Variants in LAMA2 observed in about 807,000 individuals in gnomAD.
LAMA2 encodes the protein laminin subunit alpha-2.
LAMA2 carries 269 observed loss-of-function variants against 364.8 expected under a neutral mutation model. The observed-to-expected ratio is 0.74, with a 90% CI of 0.67 to 0.82. The LOEUF is 0.82. Among genes scored for constraint, LAMA2 ranks in the 40% least tolerant of loss-of-function variants. LAMA2 has a pLI of 0.00. For missense variants in LAMA2, 3,807 were observed against 3,873.2 expected, an observed-to-expected ratio of 0.98 and a Z score of 0.45; for synonymous variants, 1,379 against 1,370.6, an observed-to-expected ratio of 1.01 and a Z score of -0.14.
At chr6:129,313,778 AG>A (rs894832979) in intron 23 of LAMA2, among the ~76,000 whole-genome samples, 1 of 152,246 alleles carries the variant, frequency 6.6e-6, no homozygotes, top group Non-Finnish European at 1.5e-5. Flanking sequence ...CAGAGGAAAC[AG>A]GAAGATAAAA....
chr6:128,915,359 G>A (rs1261421838), intron 1 of LAMA2, among the ~76,000 whole-genome samples: 2 of 152,098 alleles, frequency 1.3e-5, no homozygotes, highest in Non-Finnish European at 2.9e-5. Context: ...ATTAGTCCAT[G>A]GTTATCTTGG....
At chr6:129,244,576 A>G (rs748304709) in intron 12 of LAMA2, among the ~76,000 whole-genome samples, 1 of 152,108 alleles carries the variant, frequency 6.6e-6, no homozygotes, top group Non-Finnish European at 1.5e-5. Context: ...TTTACACTCC[A>G]TTTAGTGAAA....
chr6:129,444,059 T>A (rs7769673), intron 44 of LAMA2, among the ~76,000 whole-genome samples: 3,851 of 152,116 alleles, frequency 0.025, 162 homozygotes, highest in African/African-American at 0.088. Flanking sequence ...GATTGTCAAG[T>A]TTCATCAAGA....
At chr6:128,916,690 G>A (rs565669019) in intron 1 of LAMA2, among the ~76,000 whole-genome samples, 1 of 152,322 alleles carries the variant, frequency 6.6e-6, no homozygotes, top group South Asian at 2.1e-4. Context: ...GAAGCCAGGA[G>A]ACATCCTACA....
At chr6:129,443,104 G>A (rs771530562) in intron 44 of LAMA2, 36 bp downstream of exon 44, 5 of 1,538,928 alleles carry the variant, frequency 3.2e-6, no homozygotes, top group African/African-American at 1.4e-5. Context: ...TTTTAGTAAC[G>A]CTCATGCTTC....
chr6:128,940,782 CT>C (rs1780104403), intron 1 of LAMA2, among the ~76,000 whole-genome samples: 1 of 151,948 alleles, frequency 6.6e-6, no homozygotes, highest in African/African-American at 2.4e-5. Flanking sequence ...TACCTTGTCT[CT>C]ACAAAAAAAG....
chr6:129,359,601 C>T (rs1350894659), intron 32 of LAMA2, among the ~76,000 whole-genome samples: 2 of 138,294 alleles, frequency 1.4e-5, no homozygotes, highest in Admixed American at 8.6e-5. Flanking sequence ...TCCAGGGAAC[C>T]GTCAATGGCA....
At chr6:129,464,201 C>G in intron 49 of LAMA2, 89 bp from the exon 50 acceptor site, 1 of 1,144,132 alleles carries the variant, frequency 8.7e-7, no homozygotes, top group Non-Finnish European at 1.3e-6. Context: ...CTACAACAGC[C>G]TATAGTCTCA....
chr6:128,929,484 CTCTT>C, intron 1 of LAMA2: 2 of 840,526 alleles, frequency 2.4e-6, no homozygotes, highest in Non-Finnish European at 4.2e-6. Context: ...GACAGACAGA[CTCTT>C]TATGGTATGC....
At chr6:128,974,641 T>A (rs1782406932) in intron 1 of LAMA2, among the ~76,000 whole-genome samples, 1 of 152,196 alleles carries the variant, frequency 6.6e-6, no homozygotes, top group Non-Finnish European at 1.5e-5. Context: ...CTTCTGCCAA[T>A]AGTATTAATG....
intron 22 of LAMA2, among the ~76,000 whole-genome samples, chr6:129,311,059 C>G (rs1435249553): frequency 6.6e-6 from 1 of 151,932 alleles, no homozygotes; most frequent in African/African-American, 2.4e-5. Context: ...CAACTAAAGG[C>G]ACACCTGGGA....
At chr6:129,130,688 T>G (rs1353365100) in intron 4 of LAMA2, among the ~76,000 whole-genome samples, 4 of 152,192 alleles carry the variant, frequency 2.6e-5, no homozygotes, top group Admixed American at 2.6e-4. Context: ...GCGTATTCCT[T>G]TTTTTAAGGA....
At chr6:128,998,252 G>A (rs564827125) in intron 1 of LAMA2, among the ~76,000 whole-genome samples, 1 of 152,298 alleles carries the variant, frequency 6.6e-6, no homozygotes, top group Admixed American at 6.5e-5. Flanking sequence ...TTTTATGAGG[G>A]ATGTGGATTT....
intron 62 of LAMA2, among the ~76,000 whole-genome samples, chr6:129,511,346 T>TTTA (rs1786556895): frequency 6.6e-6 from 1 of 152,146 alleles, no homozygotes; most frequent in African/African-American, 2.4e-5. Context: ...CCCTTTCTGT[T>TTTA]TTATTTTGCA....
intron 4 of LAMA2, 142 bp from the exon 5 acceptor site, chr6:129,143,759 G>A: frequency 1.6e-6 from 1 of 635,828 alleles, no homozygotes; most frequent in Non-Finnish European, 2.8e-6. Flanking sequence ...TTCACTAGAT[G>A]CCAGTGCATA....
chr6:129,340,237 CT>C (rs1410102323), intron 29 of LAMA2, among the ~76,000 whole-genome samples: 1 of 151,842 alleles, frequency 6.6e-6, no homozygotes, highest in Non-Finnish European at 1.5e-5. Context: ...TAAACAATGT[CT>C]TTTTAAAAGC....
At chr6:129,375,149 A>G (rs1294069366) in intron 34 of LAMA2, among the ~76,000 whole-genome samples, 1 of 152,138 alleles carries the variant, frequency 6.6e-6, no homozygotes, top group Non-Finnish European at 1.5e-5. Context: ...ATTTTAATTC[A>G]TGTATAAATA....
At chr6:128,908,185 G>C (rs1417688544) in intron 1 of LAMA2, among the ~76,000 whole-genome samples, 2 of 148,988 alleles carry the variant, frequency 1.3e-5, no homozygotes, top group Non-Finnish European at 3.0e-5. Flanking sequence ...TTTTTCTATT[G>C]ATTGGAATAG....
At chr6:129,280,172 C>G (rs1440297085) in intron 18 of LAMA2, 25 bp downstream of exon 18, 1 of 1,426,184 alleles carries the variant, frequency 7.0e-7, no homozygotes, top group African/African-American at 1.4e-5. Flanking sequence ...CACTGTCTTG[C>G]AAAATGATTT....
Sources: allele counts gnomAD v4.1 joint callset (sites outside exome capture counted in the v4.1 genomes callset), GRCh38; gene constraint gnomAD v4.1.1; transcripts MANE v1.5; gene names NCBI Gene and HGNC (gene_info 2026-07-23, HGNC 2026-07-21).